Variants in AKAP13 observed in about 807,000 individuals in gnomAD.
AKAP13 encodes the protein A-kinase anchor protein 13.
A neutral mutation model predicts 264.5 loss-of-function variants in AKAP13; 80 were observed. The observed-to-expected ratio is 0.30, with a 90% CI of 0.25 to 0.36. AKAP13 has a LOEUF of 0.36. Ranked by LOEUF, AKAP13 falls within the 10% of genes least tolerant of loss-of-function variation. AKAP13 has a pLI of 1.00. For synonymous variants in AKAP13, 1,380 were observed against 1,250.2 expected, an observed-to-expected ratio of 1.10 and a Z score of -2.19; for missense variants, 3,712 against 3,435.2, an observed-to-expected ratio of 1.08 and a Z score of -2.01.
chr15:85,489,230 T>G (rs1447231037), intron 2 of AKAP13, among the ~76,000 whole-genome samples: 1 of 152,212 alleles, frequency 6.6e-6, no homozygotes, highest in Non-Finnish European at 1.5e-5. Flanking sequence ...CTTTAAAAAG[T>G]TTCATTCTGT....
At chr15:85,494,304 A>G (rs967380534) in intron 2 of AKAP13, among the ~76,000 whole-genome samples, 4 of 152,178 alleles carry the variant, frequency 2.6e-5, no homozygotes, top group Non-Finnish European at 5.9e-5. Flanking sequence ...AAAGGAAACA[A>G]GAGTTTTAGA....
intron 5 of AKAP13, among the ~76,000 whole-genome samples, chr15:85,567,744 TTTG>T (rs1239224999): frequency 6.6e-6 from 1 of 152,174 alleles, no homozygotes; most frequent in African/African-American, 2.4e-5. Context: ...CAAGATTTTA[TTTG>T]TTAACTGGCC....
intron 15 of AKAP13, among the ~76,000 whole-genome samples, chr15:85,682,669 C>CT (rs200567786): frequency 8.0e-5 from 12 of 149,798 alleles, no homozygotes; most frequent in Middle Eastern, 6.8e-3. Context: ...CGAATTGATT[C>CT]TTTTTTTTTT....
intron 5 of AKAP13, among the ~76,000 whole-genome samples, chr15:85,569,312 C>T (rs973946342): frequency 4.6e-5 from 7 of 152,020 alleles, no homozygotes; most frequent in African/African-American, 1.7e-4. Context: ...GGACTGAATG[C>T]AGAGAATTGA....
At chr15:85,536,901 G>T (rs1312504345) in intron 4 of AKAP13, 1 of 152,158 alleles carries the variant, frequency 6.6e-6, no homozygotes, top group African/African-American at 2.4e-5. Context: ...CGTGGTGGTG[G>T]CTGTAAGAAT....
At chr15:85,472,088 T>C (rs933050643) in intron 1 of AKAP13, among the ~76,000 whole-genome samples, 4 of 152,190 alleles carry the variant, frequency 2.6e-5, no homozygotes, top group Non-Finnish European at 4.4e-5. Flanking sequence ...AAGTATTTCA[T>C]GGTTTTTTAT....
Position 85,744,774 on chromosome 15 carries a change from A to C in AKAP13, c.*97A>C. The C allele has an allele frequency of 3.4e-6, 4 of 1,174,418 alleles. No homozygotes were observed. The highest frequency in any genetic ancestry group is 4.8e-6 in the Non-Finnish European group (4 of 840,180). 72.7% of individuals were successfully genotyped at this position (1,174,418 alleles called of 1,614,324 possible). A position where few individuals can be genotyped will look rare whatever the true frequency, so the allele number is the denominator to read the frequency against. Reference sequence around the variant, plus strand: ...CACAAGTCTCTTACACTGGACGCCCACTGCTCCTCAGCGTCCAGTCCTCCT... The same window carrying C: ...CACAAGTCTCTTACACTGGACGCCCCCTGCTCCTCAGCGTCCAGTCCTCCT... On this transcript the variant is annotated 3_prime_UTR_variant, in exon 37 of 37. Transcript: ENST00000394518.
At chr15:85,674,719 T>G (rs2084122091) in intron 14 of AKAP13, among the ~76,000 whole-genome samples, 1 of 152,176 alleles carries the variant, frequency 6.6e-6, no homozygotes, top group Non-Finnish European at 1.5e-5. Flanking sequence ...TGACCAAAGA[T>G]CAAGGTGGGC....
chr15:85,444,247 C>G (rs1422094079), intron 1 of AKAP13, among the ~76,000 whole-genome samples: 1 of 152,114 alleles, frequency 6.6e-6, no homozygotes, highest in African/African-American at 2.4e-5. Context: ...TGCTTGGGTT[C>G]AACATTTAGA....
chr15:85,723,687 C>A (rs188055978), intron 26 of AKAP13, among the ~76,000 whole-genome samples: 34 of 152,270 alleles, frequency 2.2e-4, no homozygotes, highest in East Asian at 1.5e-3. Context: ...GCAAAACTCA[C>A]AAGGAGGGAG....
rs761656247 is a variant in AKAP13, at chr15:85,579,819, A to C, written c.1751A>C (p.Gln584Pro). 3.1e-6 allele frequency: 5 copies of C among 1,614,236 alleles called. No individual in the cohort carries two copies. Among genetic ancestry groups the C allele is most frequent in the Non-Finnish European group, 4.2e-6 (5 of 1,180,044 alleles). ...GAGAGTGCTGATGCTCCAGTAGATCAGAATTCTGTGGTGATTCCAGCTGCT... is the reference window on the plus strand; with the variant it reads ...GAGAGTGCTGATGCTCCAGTAGATCCGAATTCTGTGGTGATTCCAGCTGCT... ...REESADAPVDQNSVVIPAAAK... is the reference protein window; with the variant it reads ...REESADAPVDPNSVVIPAAAK... Residue 584 changes from glutamine (Q) to proline (P), a missense_variant, in exon 7 of 37, where the codon CAG becomes CCG. Around this residue, in one of 3 missense-constraint regions of AKAP13, gnomAD observed 2,759 missense variants for 2,411.7 expected, o/e 1.14. Transcript: ENST00000394518.
chr15:85,516,352 C>T (rs879482010), intron 2 of AKAP13, among the ~76,000 whole-genome samples: 6 of 152,206 alleles, frequency 3.9e-5, no homozygotes, highest in Non-Finnish European at 7.3e-5. Flanking sequence ...CCAAGTTAAA[C>T]AGATGTAAAG....
At chr15:85,649,741 G>C (rs2082719374) in intron 10 of AKAP13, among the ~76,000 whole-genome samples, 1 of 152,028 alleles carries the variant, frequency 6.6e-6, no homozygotes, top group South Asian at 2.1e-4. Context: ...GGGTTCCTAA[G>C]GTCTTTAATC....
rs6496039 is a variant in AKAP13 at position 85,518,732 on chromosome 15, A to G, written c.34-2696A>G. On this transcript the variant is annotated intron_variant, in intron 2 of 36. Transcript: ENST00000394518. ...TTGTCCCAGCTACTTGGGAGGCAGC[A>G]GGGGGAGGATCACTTGAGTCCTGGA... is the stretch of plus-strand genomic sequence containing the variant. 6.2e-4 allele frequency among the ~76,000 whole-genome samples: 94 copies of G among 152,066 alleles called. 1 individual carries two copies. The highest frequency in any genetic ancestry group is 3.3e-3 in the Admixed American group (51 of 15,290).
At chr15:85,472,287 A>G (rs1311223376) in intron 1 of AKAP13, among the ~76,000 whole-genome samples, 1 of 151,534 alleles carries the variant, frequency 6.6e-6, no homozygotes, top group South Asian at 2.1e-4. Context: ...CAGGAGGATC[A>G]CTTGAGCCCA....
At chr15:85,688,455 G>A (rs576674352) in intron 16 of AKAP13, among the ~76,000 whole-genome samples, 4 of 152,222 alleles carry the variant, frequency 2.6e-5, no homozygotes, top group Non-Finnish European at 4.4e-5. Context: ...AGCATCTACC[G>A]AATATAATAT....
At chr15:85,447,614 T>C (rs2150970874) in intron 1 of AKAP13, among the ~76,000 whole-genome samples, 1 of 152,060 alleles carries the variant, frequency 6.6e-6, no homozygotes, top group South Asian at 2.1e-4. Context: ...AGTGAGAACA[T>C]GGCAGTATTT....
At chr15:85,645,767 G>GTTTTTTTTTTTTTTTTTTT in intron 9 of AKAP13, 51 bp from the exon 10 acceptor site, 1 of 1,427,194 alleles carries the variant, frequency 7.0e-7, no homozygotes, top group Non-Finnish European at 9.1e-7. Context: ...TTGTTTTTTG[G>GTTTTTTTTTTTTTTTTTTT]TTTTTTTGTT....
intron 1 of AKAP13, among the ~76,000 whole-genome samples, chr15:85,445,487 T>A (rs2073866370): frequency 6.6e-6 from 1 of 152,226 alleles, no homozygotes; most frequent in African/African-American, 2.4e-5. Context: ...TTATTTAGGA[T>A]GTTTTGTTTC....
Sources: gnomAD v4.1 joint callset for allele counts (sites outside exome capture counted in the v4.1 genomes callset) on GRCh38, gnomAD v4.1.1 for gene constraint, gnomAD v4.1.1 regional missense constraint, MANE v1.5 for transcripts, NCBI Gene and HGNC (gene_info 2026-07-23, HGNC 2026-07-21) for gene names.